Variants in DTNB observed in about 807,000 individuals in gnomAD.
DTNB encodes the protein dystrobrevin beta.
Under a neutral mutation model 90.7 loss-of-function variants are expected in DTNB, and 63 were observed. The observed-to-expected ratio is 0.69, with a 90% CI of 0.57 to 0.86. The LOEUF (loss-of-function observed/expected upper bound fraction) is 0.86. Ranked by LOEUF, DTNB falls within the 40% of genes least tolerant of loss-of-function variation. The pLI is 0.00. For synonymous variants in DTNB, 277 were observed against 286.7 expected, an observed-to-expected ratio of 0.97 and a Z score of 0.34; for missense variants, 744 against 807.1, an observed-to-expected ratio of 0.92 and a Z score of 0.95.
At chr2:25,570,393 T>G (rs2059660703) in intron 8 of DTNB, among the ~76,000 whole-genome samples, 1 of 107,404 alleles carries the variant, frequency 9.3e-6, no homozygotes, top group African/African-American at 4.0e-5. Context: ...GACAATAGAG[T>G]GGTTTCCTGT....
At chr2:25,584,446 T>C (rs931145091) in intron 6 of DTNB, among the ~76,000 whole-genome samples, 5 of 152,234 alleles carry the variant, frequency 3.3e-5, no homozygotes, top group Non-Finnish European at 7.3e-5. Context: ...GGCACTCTTC[T>C]CATTAAATTT....
chr2:25,559,319 G>C (rs2057883368), intron 8 of DTNB, among the ~76,000 whole-genome samples: 1 of 152,086 alleles, frequency 6.6e-6, no homozygotes, highest in Non-Finnish European at 1.5e-5. Flanking sequence ...TACGGCTCTA[G>C]GAGGAAACCT....
intron 9 of DTNB, among the ~76,000 whole-genome samples, chr2:25,498,006 C>A (rs2069388633): frequency 1.3e-5 from 2 of 152,132 alleles, no homozygotes; most frequent in Non-Finnish European, 2.9e-5. Context: ...CTCTACTAGT[C>A]TCCCAAATTA....
chr2:25,603,922 A>G (rs1161229167), intron 5 of DTNB, among the ~76,000 whole-genome samples: 1 of 152,242 alleles, frequency 6.6e-6, no homozygotes. Context: ...GACATTGCTG[A>G]GAACCAGAAA....
intron 2 of DTNB, among the ~76,000 whole-genome samples, chr2:25,649,493 T>A (rs1486576917): frequency 6.6e-6 from 1 of 152,104 alleles, no homozygotes; most frequent in Non-Finnish European, 1.5e-5. Flanking sequence ...GGTGGGAGGA[T>A]CACTTGAGCC....
chr2:25,649,342 A>G (rs537549512), intron 2 of DTNB, among the ~76,000 whole-genome samples: 2 of 152,182 alleles, frequency 1.3e-5, no homozygotes, highest in African/African-American at 4.8e-5. Context: ...TGCGGCCCTA[A>G]CCAGTACACT....
Position 25,388,270 on chromosome 2 carries a change from G to A in DTNB, c.1667C>T (p.Thr556Ile), listed in dbSNP as rs765353285. 92 of 1,610,620 alleles carry A rather than the reference G, an allele frequency of 5.7e-5. No individual in the cohort carries two copies. The highest frequency in any genetic ancestry group is 7.6e-5 in the Non-Finnish European group (89 of 1,178,792). The change falls in exon 17 of 21, where the codon ACC becomes ATC. Residue 556 changes from threonine (T) to isoleucine (I), a missense_variant. By Grantham distance (89) the Thr-to-Ile change is moderately conservative (BLOSUM62 -1). Coordinates refer to ENST00000406818, the MANE Select transcript of DTNB (RefSeq NM_021907.5). ...CGAGTCCTGCGGACAGTGGGTGGGG[G>A]TGGAGCCGGCAGACGTGGAGCGCAC... ...MPVRSTSAGS[T>I]PTHCPQDSLS...
chr2:25,475,166 C>T (rs372480924), intron 10 of DTNB, among the ~76,000 whole-genome samples: 125 of 152,312 alleles, frequency 8.2e-4, no homozygotes, highest in African/African-American at 2.7e-3. Context: ...CGAAAGCCAA[C>T]ACAGGCTGAC....
chr2:25,482,741 T>C, intron 10 of DTNB, 55 bp downstream of exon 10: 3 of 1,578,790 alleles, frequency 1.9e-6, no homozygotes, highest in East Asian at 4.5e-5. Context: ...GGCAGGGGCA[T>C]CGCAAATCAG....
At chr2:25,612,992 G>A (rs2069061161) in intron 4 of DTNB, among the ~76,000 whole-genome samples, 1 of 151,972 alleles carries the variant, frequency 6.6e-6, no homozygotes, top group African/African-American at 2.4e-5. Flanking sequence ...AACATTTAAA[G>A]AAGAAAAACT....
chr2:25,455,738 G>A (rs1032727259), intron 10 of DTNB, among the ~76,000 whole-genome samples: 2 of 152,224 alleles, frequency 1.3e-5, no homozygotes, highest in Admixed American at 6.5e-5. Flanking sequence ...TGACATGACA[G>A]CCCTTGGGAA....
At chr2:25,599,447 T>C (rs1490447390) in intron 5 of DTNB, among the ~76,000 whole-genome samples, 2 of 152,002 alleles carry the variant, frequency 1.3e-5, no homozygotes, top group Non-Finnish European at 2.9e-5. Flanking sequence ...GTTCACACCA[T>C]TCTCCTGCCT....
chr2:25,484,349 G>C (rs1364015543), intron 9 of DTNB, among the ~76,000 whole-genome samples: 1 of 152,110 alleles, frequency 6.6e-6, no homozygotes, highest in Non-Finnish European at 1.5e-5. Flanking sequence ...TTCTCCTTCC[G>C]TTTAAGGACA....
chr2:25,626,592 T>C (rs895995381), intron 4 of DTNB, among the ~76,000 whole-genome samples: 28 of 152,188 alleles, frequency 1.8e-4, no homozygotes, highest in Admixed American at 1.2e-3. Flanking sequence ...CAAGACCCCA[T>C]CTCAAAAAAA....
At chr2:25,507,770 A>G (rs1439706848) in intron 9 of DTNB, among the ~76,000 whole-genome samples, 1 of 152,188 alleles carries the variant, frequency 6.6e-6, no homozygotes, top group Non-Finnish European at 1.5e-5. Context: ...CTTGTCACTT[A>G]GTCCTTACAA....
chr2:25,577,032 A>T (rs762589720), intron 7 of DTNB, 28 bp from the exon 8 acceptor site: 84 of 1,569,288 alleles, frequency 5.4e-5, no homozygotes, highest in Non-Finnish European at 7.1e-5. Context: ...AAAGGGGAGA[A>T]AAAAGGGCAG....
intron 16 of DTNB, among the ~76,000 whole-genome samples, chr2:25,397,169 G>T (rs1394944394): frequency 3.3e-5 from 5 of 151,658 alleles, no homozygotes; most frequent in Non-Finnish European, 7.4e-5. Flanking sequence ...GAACCCAAAT[G>T]TTCATAGCAG....
At chr2:25,446,604 T>C (rs1361001647) in intron 12 of DTNB, among the ~76,000 whole-genome samples, 1 of 152,148 alleles carries the variant, frequency 6.6e-6, no homozygotes, top group Non-Finnish European at 1.5e-5. Flanking sequence ...TTGTATTGTT[T>C]CTGGGGAGAA....
chr2:25,391,571 AT>A (rs2041137481), intron 16 of DTNB, among the ~76,000 whole-genome samples: 1 of 152,216 alleles, frequency 6.6e-6, no homozygotes, highest in African/African-American at 2.4e-5. Context: ...AAGGATGACT[AT>A]AATAAAAAAG....
Sources: gnomAD v4.1 joint callset for allele counts (sites outside exome capture counted in the v4.1 genomes callset) on GRCh38, gnomAD v4.1.1 for gene constraint, MANE v1.5 for transcripts, NCBI Gene and HGNC (gene_info 2026-07-23, HGNC 2026-07-21) for gene names.